The following ZNF430 variants were observed in gnomAD, a reference collection of about 807,000 sequenced individuals.
The protein encoded by ZNF430 is zinc finger protein 430.
ZNF430 carries 35 observed loss-of-function variants against 56.7 expected under a neutral mutation model. The observed-to-expected ratio is 0.62, with a 90% CI of 0.47 to 0.82. ZNF430 has a LOEUF of 0.82. Among genes scored for constraint, ZNF430 ranks in the 40% least tolerant of loss-of-function variants. ZNF430 has a pLI of 0.00. For missense variants in ZNF430, 574 were observed against 661.0 expected (o/e 0.87, Z 1.44); for synonymous variants, 212 against 224.3 (o/e 0.94, Z 0.49).
intron 4 of ZNF430, among the ~76,000 whole-genome samples, chr19:21,054,582 C>T (rs1968337523): frequency 1.4e-5 from 2 of 147,108 alleles, no homozygotes; most frequent in South Asian, 4.4e-4. Flanking sequence ...TTGTCTGTGA[C>T]TTTTGAAATT....
intron 4 of ZNF430, 100 bp downstream of exon 4, chr19:21,034,284 A>G (rs922656681): frequency 1.4e-5 from 13 of 961,104 alleles, no homozygotes; most frequent in Non-Finnish European, 1.7e-5. Flanking sequence ...TTCCAAAGCA[A>G]ATATTTTCTG....
intron 4 of ZNF430, among the ~76,000 whole-genome samples, chr19:21,052,459 A>G (rs528941893): frequency 4.6e-5 from 7 of 152,050 alleles, no homozygotes; most frequent in African/African-American, 1.4e-4. Context: ...TGTTTTTTCC[A>G]TTCTTTCAAT....
chr19:21,054,943 G>A (rs1163683257), intron 4 of ZNF430, among the ~76,000 whole-genome samples: 2 of 151,848 alleles, frequency 1.3e-5, no homozygotes, highest in Non-Finnish European at 2.9e-5. Flanking sequence ...CAAAGTGCTG[G>A]TATTACAGGC....
Position 21,034,196 on chromosome 19 carries a change from T to C in ZNF430, c.322+12T>C, listed in dbSNP as rs1967953292. On this transcript the variant is annotated intron_variant, in intron 4 of 4. Coordinates refer to ENST00000261560, the MANE Select transcript of ZNF430 (RefSeq NM_025189.4). The stretch of plus-strand genomic sequence containing the variant: ...AGATCAACCCCCAGGTAGGTGAGAG[T>C]GAACACAACAGACGACATGAATGAG... 2 of 1,554,552 alleles carry C rather than the reference T, an allele frequency of 1.3e-6. No individual in the cohort carries two copies. Among genetic ancestry groups the C allele is most frequent in the African/African-American group, 2.7e-5 (2 of 72,832 alleles).
At chr19:21,043,128 A>G (rs764681572) in intron 4 of ZNF430, among the ~76,000 whole-genome samples, 15 of 152,040 alleles carry the variant, frequency 9.9e-5, no homozygotes, top group Non-Finnish European at 1.5e-4. Context: ...GTTTAATTAG[A>G]TTCTATTTGT....
At position 21,058,474 on chromosome 19, in the gene ZNF430, G is replaced by T; in HGVS notation, c.*453G>T. 1.2e-5 allele frequency: 2 copies of T among 160,392 alleles called. No homozygotes were observed. 9.9% of individuals were successfully genotyped at this position (160,392 alleles called of 1,614,324 possible). Reference sequence around the variant, plus strand: ...AAAAAAAAAAAAGATAATTCATACTGAAAAGAAACTCTACAAACTTGAAAG... The same window carrying T: ...AAAAAAAAAAAAGATAATTCATACTTAAAAGAAACTCTACAAACTTGAAAG... On this transcript the variant is annotated 3_prime_UTR_variant, in exon 5 of 5. Coordinates refer to ENST00000261560, the MANE Select transcript of ZNF430 (RefSeq NM_025189.4).
rs1198125562 is a variant in ZNF430, at chr19:21,057,286, T to G, written c.978T>G (p.Phe326Leu). 1 of 1,613,230 alleles carries G rather than the reference T, an allele frequency of 6.2e-7. No homozygotes were observed. Among genetic ancestry groups the G allele is most frequent in the East Asian group, 2.2e-5 (1 of 44,846 alleles). Residue 326 changes from phenylalanine to leucine, a missense_variant, in exon 5 of 5, where the codon TTT becomes TTG. By Grantham distance (22) the Phe-to-Leu change is conservative. Coordinates refer to ENST00000261560, the MANE Select transcript of ZNF430 (RefSeq NM_025189.4). ...GATGTGAAGAATGTGGCAGAGCTTT[T>G]AACCGGTCCTCACACCTTACTACAC... ...PYRCEECGRA[F>L]NRSSHLTTHK...
Position 21,033,485 on chromosome 19 carries a change from A to G in ZNF430, c.126A>G (p.Ile42Met), listed in dbSNP as rs940089272. 6.2e-7 allele frequency: 1 copy of G among 1,611,566 alleles called. No individual in the cohort carries two copies. The highest frequency in any genetic ancestry group is 1.3e-5 in the African/African-American group (1 of 74,868). Residue 42 changes from isoleucine (I) to methionine (M), a missense_variant, in exon 3 of 5, where the codon ATA becomes ATG. Coordinates refer to ENST00000261560, the MANE Select transcript of ZNF430 (RefSeq NM_025189.4). The part of the protein sequence containing the change: ...KGPLTFRDVA[I>M]EFSLEEWQCL... ...CATTGACATTTAGGGATGTGGCCATAGAATTTTCTCTGGAGGAGTGGCAAT... is the reference window on the plus strand; with the variant it reads ...CATTGACATTTAGGGATGTGGCCATGGAATTTTCTCTGGAGGAGTGGCAAT...
intron 1 of ZNF430, 70 bp downstream of exon 1, chr19:21,020,873 G>A (rs1413196017): frequency 4.4e-6 from 7 of 1,603,390 alleles, no homozygotes; most frequent in Non-Finnish European, 6.0e-6. Context: ...AGTGGCTGTG[G>A]CGGGACTCAG....
chr19:21,033,593 CT>C lies in ZNF430; in HGVS notation c.223+14del, dbSNP rs1379212335. On this transcript the variant is annotated intron_variant, in intron 3 of 4. Transcript: ENST00000261560. ...ACCTGGTCTTCTTGGGTGAGAATAA[CT>C]TTAGTACACAATTACTAGTATACCC... 5.6e-6 allele frequency: 9 copies of C among 1,599,260 alleles called. No individual in the cohort carries two copies. Among genetic ancestry groups the C allele is most frequent in the Middle Eastern group, 1.7e-4 (1 of 5,992 alleles).
intron 4 of ZNF430, among the ~76,000 whole-genome samples, chr19:21,041,721 T>TTTG (rs35066035): frequency 0.93 from 140,863 of 151,548 alleles, 65,662 homozygotes; most frequent in Middle Eastern, 0.98. Flanking sequence ...TGTTTTTGTT[T>TTTG]TTGTTGTTGT....
intron 4 of ZNF430, among the ~76,000 whole-genome samples, chr19:21,052,417 A>T (rs1489222225): frequency 6.6e-6 from 1 of 152,154 alleles, no homozygotes; most frequent in East Asian, 1.9e-4. Flanking sequence ...TGGGTATTGA[A>T]ATGTCCTACC....
intron 2 of ZNF430, among the ~76,000 whole-genome samples, chr19:21,032,280 A>G (rs375861417): frequency 6.6e-6 from 1 of 152,240 alleles, no homozygotes; most frequent in African/African-American, 2.4e-5. Flanking sequence ...ACTTAAAATC[A>G]CTGTTAAAAA....
intron 4 of ZNF430, among the ~76,000 whole-genome samples, chr19:21,042,783 T>C (rs1316070225): frequency 2.0e-5 from 3 of 150,250 alleles, no homozygotes; most frequent in South Asian, 4.2e-4. Context: ...TGAGACTCCA[T>C]CTAAAAAAAA....
In ZNF430 at chr19:21,020,687, C is replaced by T. The variant is rs933267687; in HGVS notation, c.-114C>T. The T allele has an allele frequency of 1.3e-5, 19 of 1,484,660 alleles. No homozygotes were observed. The highest frequency in any genetic ancestry group is 2.3e-5 in the East Asian group (1 of 43,916). The allele number at this position is 1,484,660 out of a possible 1,614,324, so 92.0% of individuals were successfully genotyped here. ...TCGCTGTGGCCTGAGCTCCAGGTCT[C>T]GTCTTCAGCGCTCTGTGTCCTCTGC... On this transcript the variant is annotated 5_prime_UTR_variant, in exon 1 of 5. Coordinates refer to ENST00000261560, the MANE Select transcript of ZNF430 (RefSeq NM_025189.4).
intron 2 of ZNF430, among the ~76,000 whole-genome samples, chr19:21,032,383 G>C (rs888628420): frequency 6.6e-6 from 1 of 152,074 alleles, no homozygotes; most frequent in African/African-American, 2.4e-5. Context: ...CTGTTTGAGG[G>C]GCAATATCTT....
At chr19:21,033,318 T>A (rs1967935232) in intron 2 of ZNF430, 138 bp from the exon 3 acceptor site, 16 of 1,170,756 alleles carry the variant, frequency 1.4e-5, no homozygotes, top group East Asian at 6.4e-5. Context: ...AAAAAAAAAA[T>A]TATTGGATAA....
chr19:21,030,416 A>G (rs1967879509), intron 2 of ZNF430, among the ~76,000 whole-genome samples: 1 of 152,248 alleles, frequency 6.6e-6, no homozygotes, highest in Non-Finnish European at 1.5e-5. Context: ...AAAATGTGTT[A>G]TTCCCAGCAC....
At position 21,055,588 on chromosome 19, in the gene ZNF430, A is replaced by G. The variant is rs145717911; in HGVS notation, c.323-1043A>G. Among the ~76,000 whole-genome samples, 25 of 152,144 alleles carry G rather than the reference A, an allele frequency of 1.6e-4. 1 individual carries two copies. The East Asian group carries it at 4.1e-3, about 25-fold the overall frequency. ...CTCAGCCTCCCAAGTAGCTGGGAAT[A>G]CAGGTGTACGCTATCACACCTGGCT... On this transcript the variant is annotated intron_variant, in intron 4 of 4. Transcript: ENST00000261560.
Sources: allele counts gnomAD v4.1 joint callset (sites outside exome capture counted in the v4.1 genomes callset), GRCh38; gene constraint gnomAD v4.1.1; transcripts MANE v1.5; gene names NCBI Gene and HGNC (gene_info 2026-07-23, HGNC 2026-07-21).